SMARCA2: variants seen among roughly 807,000 people sequenced by gnomAD.
The protein encoded by SMARCA2 is SWI/SNF-related matrix-associated actin-dependent regulator of chromatin subfamily A member 2.
A neutral mutation model predicts 199.8 loss-of-function variants in SMARCA2; 61 were observed. That is an observed-to-expected ratio of 0.31 (90% CI 0.25 to 0.38). SMARCA2 has a LOEUF of 0.38. SMARCA2 is among the 10% of genes least tolerant of loss of function. The probability of loss-of-function intolerance (pLI) is 1.00; values close to 1 mark genes in which losing one functional copy is unlikely to be tolerated. For missense variants in SMARCA2, 1,344 were observed against 2,012.2 expected, an observed-to-expected ratio of 0.67 and a Z score of 6.35; for synonymous variants, 935 against 732.0, an observed-to-expected ratio of 1.28 and a Z score of -4.48.
chr9:2,053,601 A>G (rs886987298), intron 5 of SMARCA2, among the ~76,000 whole-genome samples: 2 of 152,232 alleles, frequency 1.3e-5, no homozygotes, highest in African/African-American at 4.8e-5. Flanking sequence ...ATTGTACATT[A>G]AAGGCACTTA....
chr9:2,094,227 T>G (rs1042332207), intron 19 of SMARCA2, among the ~76,000 whole-genome samples: 1 of 152,334 alleles, frequency 6.6e-6, no homozygotes, highest in South Asian at 2.1e-4. Context: ...TGATTTTTGA[T>G]CCTGTGTATT....
chr9:2,144,057 G>A (rs1481839667), intron 27 of SMARCA2, among the ~76,000 whole-genome samples: 2 of 152,014 alleles, frequency 1.3e-5, no homozygotes, highest in East Asian at 3.9e-4. Context: ...CTTTTCATAG[G>A]GGAGCCGGGA....
At position 2,077,644 on chromosome 9, in the gene SMARCA2, C is replaced by T. The variant is rs149890563; in HGVS notation, c.2052C>T (p.Asp684=). ...CCTTTCCCAGGACAGCTAAGCAAGA[C>T]GTGGATGATGAATACAGCATGCAGT... ...AKQIIETAKQ[D]VDDEYSMQYS... The change falls in exon 14 of 34, where the codon GAC becomes GAT. Residue 684 remains aspartate (D), a synonymous_variant. Transcript: ENST00000349721. 14 of 1,613,768 alleles carry T rather than the reference C, an allele frequency of 8.7e-6. No individual in the cohort carries two copies. The highest frequency in any genetic ancestry group is 4.5e-5 in the East Asian group (2 of 44,858).
At chr9:2,029,322 C>T (rs1818964186) in intron 2 of SMARCA2, 75 bp downstream of exon 2, 1 of 1,538,610 alleles carries the variant, frequency 6.5e-7, no homozygotes, top group Non-Finnish European at 8.8e-7. Context: ...CCCCATCCCC[C>T]TTTCTACTGT....
chr9:2,132,967 G>A (rs561386284), intron 27 of SMARCA2, among the ~76,000 whole-genome samples: 10 of 152,204 alleles, frequency 6.6e-5, no homozygotes, highest in African/African-American at 2.2e-4. Context: ...GAGGTCTGAC[G>A]GAAATATACT....
At chr9:2,022,672 T>G (rs1236906609) in intron 1 of SMARCA2, among the ~76,000 whole-genome samples, 1 of 152,248 alleles carries the variant, frequency 6.6e-6, no homozygotes, top group African/African-American at 2.4e-5. Flanking sequence ...TTTATATGTT[T>G]AAAGTATAAA....
chr9:2,132,952 C>T (rs117638163), intron 27 of SMARCA2, among the ~76,000 whole-genome samples: 3,740 of 152,180 alleles, frequency 0.025, 92 homozygotes, highest in Non-Finnish European at 0.032. Context: ...ATAGAATAGT[C>T]CTCAGAGGTC....
At chr9:2,133,831 T>C (rs1824071944) in intron 27 of SMARCA2, among the ~76,000 whole-genome samples, 1 of 152,118 alleles carries the variant, frequency 6.6e-6, no homozygotes, top group Non-Finnish European at 1.5e-5. Flanking sequence ...ACTGTGACTT[T>C]TGATGGCTCT....
chr9:2,035,207 A>G (rs777403419), intron 3 of SMARCA2, among the ~76,000 whole-genome samples: 136 of 151,602 alleles, frequency 9.0e-4, no homozygotes, highest in Non-Finnish European at 8.8e-4. Flanking sequence ...ACACCCAGCT[A>G]ATTTTTGTAT....
At chr9:2,046,081 G>A (rs944920765) in intron 4 of SMARCA2, 24 of 152,020 alleles carry the variant, frequency 1.6e-4, no homozygotes, top group African/African-American at 5.3e-4. Context: ...TATTATTTTT[G>A]TTACCATTTA....
intron 27 of SMARCA2, among the ~76,000 whole-genome samples, chr9:2,157,267 G>C (rs1825416223): frequency 6.6e-6 from 1 of 152,144 alleles, no homozygotes; most frequent in African/African-American, 2.4e-5. Flanking sequence ...TTGGCTTCCA[G>C]GATCTCAGCA....
At chr9:2,066,270 G>A (rs1820833787) in intron 9 of SMARCA2, among the ~76,000 whole-genome samples, 1 of 152,222 alleles carries the variant, frequency 6.6e-6, no homozygotes, top group African/African-American at 2.4e-5. Flanking sequence ...TAATGAGGCT[G>A]TTTATAGCCT....
chr9:2,035,082 C>T (rs1819266015), intron 3 of SMARCA2, among the ~76,000 whole-genome samples: 1 of 151,612 alleles, frequency 6.6e-6, no homozygotes, highest in Admixed American at 6.6e-5. Flanking sequence ...CCCTCTGTTG[C>T]CCAGGCTGGA....
chr9:2,090,663 GTC>G (rs968804198), intron 19 of SMARCA2, among the ~76,000 whole-genome samples: 7 of 152,130 alleles, frequency 4.6e-5, no homozygotes, highest in Admixed American at 4.6e-4. Flanking sequence ...TCATGTTGCT[GTC>G]TCTGTTATTA....
At chr9:2,058,252 A>G in intron 7 of SMARCA2, 39 bp from the exon 8 acceptor site, 1 of 1,585,060 alleles carries the variant, frequency 6.3e-7, no homozygotes, top group Non-Finnish European at 8.7e-7. Context: ...TGGTCATTGG[A>G]TTTTAAGTAT....
chr9:2,157,497 AAGAG>A (rs1825428242), intron 27 of SMARCA2, among the ~76,000 whole-genome samples: 2 of 152,352 alleles, frequency 1.3e-5, no homozygotes, highest in African/African-American at 4.8e-5. Flanking sequence ...CAGAGGGAGA[AAGAG>A]AAAGTGTCAG....
intron 3 of SMARCA2, among the ~76,000 whole-genome samples, chr9:2,037,380 A>C (rs1819380359): frequency 6.6e-6 from 1 of 152,104 alleles, no homozygotes; most frequent in South Asian, 2.1e-4. Context: ...CGGAGTAGGG[A>C]TTTGTGGAAT....
intron 22 of SMARCA2, among the ~76,000 whole-genome samples, chr9:2,103,379 A>G (rs1041138393): frequency 2.0e-5 from 3 of 152,298 alleles, no homozygotes; most frequent in Admixed American, 1.3e-4. Flanking sequence ...GCTCCAATCT[A>G]AAGAAGGCAT....
intron 21 of SMARCA2, 133 bp from the exon 22 acceptor site, chr9:2,101,437 T>C (rs1356941212): frequency 2.0e-6 from 1 of 497,346 alleles, no homozygotes; most frequent in Non-Finnish European, 3.6e-6. Context: ...ATTACGTGTG[T>C]AAGTTTTTTG....
Sources: gnomAD v4.1 joint callset for allele counts (sites outside exome capture counted in the v4.1 genomes callset) on GRCh38, gnomAD v4.1.1 for gene constraint, MANE v1.5 for transcripts, NCBI Gene and HGNC (gene_info 2026-07-23, HGNC 2026-07-21) for gene names.